The following ZKSCAN3 variants were observed in gnomAD, a reference collection of about 807,000 sequenced individuals.
The protein encoded by ZKSCAN3 is zinc finger with KRAB and SCAN domains 3.
ZKSCAN3 carries 21 observed loss-of-function variants against 30.7 expected under a neutral mutation model. The ratio of observed to expected loss-of-function variants is 0.68; its 90% CI spans 0.49 to 0.99. The LOEUF is 0.99. Among genes scored for constraint, ZKSCAN3 ranks in the 50% least tolerant of loss-of-function variants. The pLI is 0.00. For synonymous variants in ZKSCAN3, 201 were observed against 246.7 expected (o/e 0.81, Z 1.73); for missense variants, 507 against 647.1 (o/e 0.78, Z 2.35).
chr6:28,356,907 C>T (rs1360708291), intron 1 of ZKSCAN3, among the ~76,000 whole-genome samples: 1 of 152,230 alleles, frequency 6.6e-6, no homozygotes, highest in Non-Finnish European at 1.5e-5. Flanking sequence ...GACCCACTCA[C>T]CTCATCTTGC....
intron 3 of ZKSCAN3, 120 bp from the exon 4 acceptor site, chr6:28,363,183 A>T: frequency 1.2e-6 from 1 of 832,014 alleles, no homozygotes; most frequent in Non-Finnish European, 1.9e-6. Flanking sequence ...GCAGCTTCAG[A>T]CTCCTGGGCT....
At position 28,351,681 on chromosome 6, in the gene ZKSCAN3, CCTCT is replaced by C. The variant is rs1195768578; in HGVS notation, c.-63+1618_-63+1621del. Among the ~76,000 whole-genome samples, 1 of 151,392 alleles carries C rather than the reference CCTCT, an allele frequency of 6.6e-6. No individual in the cohort carries two copies. The highest frequency in any genetic ancestry group is 1.5e-5 in the Non-Finnish European group (1 of 67,864). On this transcript the variant is annotated intron_variant, in intron 1 of 5. Transcript: ENST00000252211. The surrounding 1 kb of genome is among the most constrained non-coding windows in gnomAD (Gnocchi z 4.6). ...TTCCCTTTTACTTCCTCCCTCTTTC[CCTCT>C]CTCCTTTCTTTCCCTCTCCCTCCTT... is the stretch of plus-strand genomic sequence containing the variant.
intron 1 of ZKSCAN3, among the ~76,000 whole-genome samples, chr6:28,357,075 C>G (rs1159962334): frequency 1.3e-5 from 2 of 152,218 alleles, no homozygotes; most frequent in Admixed American, 1.3e-4. Flanking sequence ...CATTTATACA[C>G]CTCACAAACA....
At chr6:28,354,476 A>G (rs1765288318) in intron 1 of ZKSCAN3, among the ~76,000 whole-genome samples, 1 of 152,132 alleles carries the variant, frequency 6.6e-6, no homozygotes, top group Non-Finnish European at 1.5e-5. Context: ...GGCCTGACAT[A>G]TAAACTTTGG....
intron 5 of ZKSCAN3, among the ~76,000 whole-genome samples, chr6:28,364,966 G>C (rs558320971): frequency 6.6e-6 from 1 of 152,298 alleles, no homozygotes; most frequent in Non-Finnish European, 1.5e-5. Context: ...GACCTCAAGT[G>C]ATCTGCCAGC....
At chr6:28,350,605 T>C (rs966596338) in intron 1 of ZKSCAN3, among the ~76,000 whole-genome samples, 3 of 152,210 alleles carry the variant, frequency 2.0e-5, no homozygotes, top group Admixed American at 1.3e-4. Flanking sequence ...TGCATTCGTA[T>C]GGGTAAGGTG....
At chr6:28,363,274 A>C in intron 3 of ZKSCAN3, 29 bp from the exon 4 acceptor site, 2 of 1,600,706 alleles carry the variant, frequency 1.2e-6, no homozygotes, top group South Asian at 2.2e-5. Flanking sequence ...GCCAGGGTAC[A>C]TCTCATCCAG....
In ZKSCAN3 at chr6:28,361,319, T is replaced by G; in HGVS notation, c.403-5T>G. 7 of 1,611,060 alleles carry G rather than the reference T, an allele frequency of 4.3e-6. No individual in the cohort carries two copies. The highest frequency in any genetic ancestry group is 5.9e-6 in the Non-Finnish European group (7 of 1,179,258). ...AACATGAAAATAAGAACAAATGATT[T>G]CTAGGTTTCAGGTGTTGACCAGGGG... On this transcript the variant is annotated splice_region_variant and splice_polypyrimidine_tract_variant and intron_variant, in intron 2 of 5. Transcript: ENST00000252211.
intron 4 of ZKSCAN3, 112 bp downstream of exon 4, chr6:28,363,497 T>A: frequency 7.8e-7 from 1 of 1,286,812 alleles, no homozygotes; most frequent in Non-Finnish European, 1.1e-6. Context: ...TCCATACAGA[T>A]CTCAAATGGG....
intron 1 of ZKSCAN3, among the ~76,000 whole-genome samples, chr6:28,350,774 G>C (rs931331962): frequency 1.3e-5 from 2 of 152,028 alleles, no homozygotes; most frequent in African/African-American, 4.8e-5. Context: ...TTTTAGGAGG[G>C]AAAAATAAGA....
In ZKSCAN3 at chr6:28,359,908, G is replaced by T; in HGVS notation, c.322G>T (p.Glu108Ter). The T allele has an allele frequency of 6.2e-7, 1 of 1,614,098 alleles. No individual in the cohort carries two copies. Among genetic ancestry groups the T allele is most frequent in the Non-Finnish European group, 8.5e-7 (1 of 1,180,012 alleles). ...LPGNLQSWVR[E>*]QHPESGEEVV... ...GGGGAATCTGCAGAGCTGGGTGCGG[G>T]AGCAGCATCCAGAGAGCGGGGAGGA... Residue 108 changes from glutamate to a stop codon, truncating the protein, a stop_gained, in exon 2 of 6, where the codon GAG becomes TAG. Transcript: ENST00000252211. LOFTEE classifies it high-confidence loss of function.
Position 28,368,210 on chromosome 6 carries a change from T to A in ZKSCAN3, c.*1925T>A, listed in dbSNP as rs1458672834. 2.0e-5 allele frequency: 3 copies of A among 152,150 alleles called. No individual in the cohort carries two copies. The highest frequency in any genetic ancestry group is 4.4e-5 in the Non-Finnish European group (3 of 68,034). 9.4% of individuals were successfully genotyped at this position (152,150 alleles called of 1,614,324 possible). A position where few individuals can be genotyped will look rare whatever the true frequency, so the allele number is the denominator to read the frequency against. ...TGTGTTAGCCAGGATGCTCTCGATC[T>A]CCTGACCTCGTGATCCACCTGTCTC... On this transcript the variant is annotated 3_prime_UTR_variant, in exon 6 of 6. Transcript: ENST00000252211.
At chr6:28,355,348 C>A (rs1459458001) in intron 1 of ZKSCAN3, 1 of 152,186 alleles carries the variant, frequency 6.6e-6, no homozygotes, top group African/African-American at 2.4e-5. Context: ...GTCATGCGCG[C>A]GACGACTGTA....
Position 28,365,504 on chromosome 6 carries a change from G to A in ZKSCAN3, c.836G>A (p.Cys279Tyr), listed in dbSNP as rs1289048414. ...LPEKEHGKIS[C>Y]HLREDIAQIP... ...GAAAAGGAGCATGGGAAGATATCGT[G>A]CCACCTGAGAGAAGACATTGCCCAG... The change falls in exon 6 of 6, where the codon TGC (cysteine) becomes TAC (tyrosine). Residue 279 changes from cysteine (C) to tyrosine (Y), a missense_variant. Transcript: ENST00000252211. The A allele has an allele frequency of 6.2e-7, 1 of 1,614,126 alleles. No individual in the cohort carries two copies. The highest frequency in any genetic ancestry group is 1.3e-5 in the African/African-American group (1 of 74,932).
chr6:28,359,483 A>C, intron 1 of ZKSCAN3, 42 bp from the exon 2 acceptor site: 780 of 1,253,568 alleles, frequency 6.2e-4, no homozygotes, highest in Non-Finnish European at 7.8e-4. Flanking sequence ...AGAAGGGACT[A>C]CTTGCAAGTT....
chr6:28,352,656 TC>T (rs1280031928), intron 1 of ZKSCAN3, among the ~76,000 whole-genome samples: 1 of 152,244 alleles, frequency 6.6e-6, no homozygotes, highest in Non-Finnish European at 1.5e-5. Flanking sequence ...CTCCTATATT[TC>T]ACCTGTACAC....
intron 5 of ZKSCAN3, 44 bp from the exon 6 acceptor site, chr6:28,365,382 C>G (rs1406984038): frequency 6.4e-7 from 1 of 1,566,854 alleles, no homozygotes; most frequent in Admixed American, 1.9e-5. Context: ...CAGAGCTTTC[C>G]TTCCATGGCA....
Position 28,366,201 on chromosome 6 carries a change from T to C in ZKSCAN3, c.1533T>C (p.Asn511=). The stretch of plus-strand genomic sequence containing the variant: ...CTGGTGAGAAACCCTATCAGTGTAA[T>C]GCGTGTGGAAAAGGCTTCACCCGAA... ...IHTGEKPYQC[N]ACGKGFTRIS... is the part of the protein sequence containing the mutation. The change falls in exon 6 of 6, where the codon AAT becomes AAC. Residue 511 remains asparagine (N), a synonymous_variant. Coordinates refer to ENST00000252211, the MANE Select transcript of ZKSCAN3 (RefSeq NM_024493.4). 6.3e-7 allele frequency: 1 copy of C among 1,591,434 alleles called. No homozygotes were observed. Among genetic ancestry groups the C allele is most frequent in the Non-Finnish European group, 8.5e-7 (1 of 1,172,760 alleles).
intron 4 of ZKSCAN3, 72 bp from the exon 5 acceptor site, chr6:28,363,620 G>C: frequency 3.1e-6 from 5 of 1,602,008 alleles, no homozygotes; most frequent in Non-Finnish European, 3.4e-6. Flanking sequence ...GGGCCTGGGG[G>C]TGCTTCCCAG....
Sources: allele counts gnomAD v4.1 joint callset (sites outside exome capture counted in the v4.1 genomes callset), GRCh38; gene constraint gnomAD v4.1.1; non-coding constraint Gnocchi (gnomAD v3.1); transcripts MANE v1.5; gene names NCBI Gene and HGNC (gene_info 2026-07-23, HGNC 2026-07-21).